The following VPS37A variants were observed in gnomAD, a reference collection of about 807,000 sequenced individuals.
VPS37A encodes the protein VPS37A subunit of ESCRT-I, also known as vacuolar protein sorting-associated protein 37A.
In VPS37A, 30 loss-of-function variants were observed where a neutral mutation model predicts 49.8. The observed-to-expected ratio is 0.60, with a 90% CI of 0.45 to 0.82. The LOEUF (loss-of-function observed/expected upper bound fraction) is 0.82, where lower values mean the gene tolerates loss of function less well. Among genes scored for constraint, VPS37A ranks in the 40% least tolerant of loss-of-function variants. VPS37A has a pLI of 0.00. For missense variants in VPS37A, 593 were observed against 464.4 expected (o/e 1.28, Z -2.55); for synonymous variants, 195 against 160.6 (o/e 1.21, Z -1.62).
At chr8:17,260,103 A>G (rs889444703) in intron 1 of VPS37A, among the ~76,000 whole-genome samples, 9 of 151,910 alleles carry the variant, frequency 5.9e-5, no homozygotes, top group Middle Eastern at 6.9e-3. Context: ...CATTTTGTTG[A>G]TTGTTTTCTG....
chr8:17,331,090 C>T, the VPS37A span: 63 of 1,554,628 alleles, frequency 4.1e-5, no homozygotes, highest in Admixed American at 1.0e-4. Context: ...CTATCTTATT[C>T]CCTTTTGGCA....
intron 2 of VPS37A, 39 bp downstream of exon 2, chr8:17,266,020 C>T: frequency 6.5e-7 from 1 of 1,543,568 alleles, no homozygotes; most frequent in Non-Finnish European, 8.8e-7. Flanking sequence ...TGTAAAAGGA[C>T]TTAACAGTTT....
chr8:17,330,484 C>T, the VPS37A span, among the ~76,000 whole-genome samples: 2 of 152,244 alleles, frequency 1.3e-5, no homozygotes, highest in Non-Finnish European at 2.9e-5. Context: ...GCAGAAGCAG[C>T]GGACTAAGCT....
At chr8:17,301,993 G>C (rs570152886), downstream of VPS37A, 9 of 878,242 alleles carry the variant, frequency 1.0e-5, no homozygotes, top group South Asian at 1.9e-5. Flanking sequence ...TTTGGGCTTC[G>C]GTTATCTGAG....
At chr8:17,287,552 C>T (rs917237176) in intron 11 of VPS37A, among the ~76,000 whole-genome samples, 12 of 151,850 alleles carry the variant, frequency 7.9e-5, no homozygotes, top group Non-Finnish European at 1.2e-4. Flanking sequence ...GTGGCAGGCA[C>T]CTGTAGTCTC....
the VPS37A span, among the ~76,000 whole-genome samples, chr8:17,310,790 A>G: frequency 2.0e-4 from 30 of 152,322 alleles, no homozygotes; most frequent in South Asian, 6.2e-3. Context: ...CTTTGTCAGC[A>G]TCTTGTGTAG....
chr8:17,313,285 T>C, the VPS37A span: 3 of 1,598,718 alleles, frequency 1.9e-6, no homozygotes, highest in Non-Finnish European at 2.6e-6. Context: ...TCTCTGCAAT[T>C]GCATACCTTT....
At chr8:17,281,073 G>T (rs547570453) in intron 9 of VPS37A, among the ~76,000 whole-genome samples, 3 of 151,688 alleles carry the variant, frequency 2.0e-5, no homozygotes, top group African/African-American at 7.3e-5. Flanking sequence ...ACCAACAACA[G>T]CAAAAAAGAT....
At chr8:17,301,758 A>G, downstream of VPS37A, 1 of 205,490 alleles carries the variant, frequency 4.9e-6, no homozygotes, top group Non-Finnish European at 9.6e-6. Flanking sequence ...TTTACCAATT[A>G]TAGATTAATA....
intron 1 of VPS37A, 191 bp downstream of exon 1, chr8:17,247,560 C>T (rs1225903054): frequency 6.2e-6 from 5 of 807,106 alleles, no homozygotes; most frequent in East Asian, 5.3e-5. Flanking sequence ...CCCTCCCTGC[C>T]TCCTGCCGCA....
chr8:17,268,412 G>A, intron 3 of VPS37A, 40 bp downstream of exon 3: 3 of 1,332,934 alleles, frequency 2.3e-6, no homozygotes, highest in Non-Finnish European at 3.1e-6. Flanking sequence ...TAATATAATA[G>A]GTGTATTACT....
intron 6 of VPS37A, among the ~76,000 whole-genome samples, chr8:17,277,137 T>C (rs1814589279): frequency 1.3e-5 from 2 of 152,234 alleles, no homozygotes; most frequent in Admixed American, 1.3e-4. Flanking sequence ...CTTTAGGATA[T>C]ATCTCATCAA....
At chr8:17,322,800 G>A in the VPS37A span, among the ~76,000 whole-genome samples, 11 of 151,492 alleles carry the variant, frequency 7.3e-5, no homozygotes, top group South Asian at 2.3e-3. Flanking sequence ...ACTTCAGCCT[G>A]GACAACACAG....
At chr8:17,282,437 C>T (rs1563279381) in intron 9 of VPS37A, among the ~76,000 whole-genome samples, 1 of 151,892 alleles carries the variant, frequency 6.6e-6, no homozygotes, top group African/African-American at 2.4e-5. Flanking sequence ...GTGGGAAAAG[C>T]CTTTCTTAGC....
chr8:17,250,837 T>C (rs1280715573), intron 1 of VPS37A, among the ~76,000 whole-genome samples: 1 of 152,192 alleles, frequency 6.6e-6, no homozygotes, highest in Non-Finnish European at 1.5e-5. Context: ...GCAAATGAGA[T>C]AACTGTCATA....
At chr8:17,257,110 AAG>A (rs1417110103) in intron 1 of VPS37A, among the ~76,000 whole-genome samples, 1 of 152,262 alleles carries the variant, frequency 6.6e-6, no homozygotes, top group Admixed American at 6.5e-5. Flanking sequence ...TGTGTATGGT[AAG>A]AGATAGGGTC....
At chr8:17,321,887 T>C in the VPS37A span, among the ~76,000 whole-genome samples, 5 of 152,264 alleles carry the variant, frequency 3.3e-5, no homozygotes, top group East Asian at 9.6e-4. Context: ...AGACAAAAGA[T>C]ATAATTTTAG....
At position 17,262,408 on chromosome 8, in the gene VPS37A, C is replaced by T. The variant is rs572728698; in HGVS notation, c.126-3499C>T. ...GCCAGTTAATCTATATTCTTAATAA[C>T]AAAGTGATATATTATTACAGCTTTA... On this transcript the variant is annotated intron_variant, in intron 1 of 11. Coordinates refer to ENST00000324849, the MANE Select transcript of VPS37A (RefSeq NM_152415.3). Among the ~76,000 whole-genome samples, 68 of 152,236 alleles carry T rather than the reference C, an allele frequency of 4.5e-4. 1 individual carries two copies. Among genetic ancestry groups the T allele is most frequent in the African/African-American group, 1.5e-3 (62 of 41,548 alleles).
rs1816641751 is a variant in VPS37A, at chr8:17,296,474, A to G, written c.*1488A>G. On this transcript the variant is annotated 3_prime_UTR_variant, in exon 12 of 12. Coordinates refer to ENST00000324849, the MANE Select transcript of VPS37A (RefSeq NM_152415.3). ...ATTCAGAAACCTTTCCTTATACTGC[A>G]CTGGCCACCAGAGCTTAATTTTCCC... 1 of 152,172 alleles carries G rather than the reference A, an allele frequency of 6.6e-6. No homozygotes were observed. The highest frequency in any genetic ancestry group is 2.4e-5 in the African/African-American group (1 of 41,432). 9.4% of individuals were successfully genotyped at this position (152,172 alleles called of 1,614,324 possible).
Sources: allele counts gnomAD v4.1 joint callset (sites outside exome capture counted in the v4.1 genomes callset), GRCh38; gene constraint gnomAD v4.1.1; transcripts MANE v1.5; gene names NCBI Gene and HGNC (gene_info 2026-07-23, HGNC 2026-07-21).